Variants in MDFIC2 observed in about 807,000 individuals in gnomAD.
The protein encoded by MDFIC2 is MyoD family inhibitor domain containing 2.
chr3:70,297,134 A>C (rs1702297190), intron 2 of MDFIC2, among the ~76,000 whole-genome samples: 1 of 152,092 alleles, frequency 6.6e-6, no homozygotes, highest in African/African-American at 2.4e-5. Context: ...TTGCTTACTT[A>C]AAAAAATATT....
At chr3:70,221,945 T>A (rs1269984962) in intron 2 of MDFIC2, among the ~76,000 whole-genome samples, 2 of 152,172 alleles carry the variant, frequency 1.3e-5, no homozygotes, top group East Asian at 3.9e-4. Context: ...TTGGGTAGAT[T>A]AGTCACCTCA....
rs571120115 is a variant in MDFIC2 at position 70,219,148 on chromosome 3, T to C, written c.89-12358A>G. The stretch of plus-strand genomic sequence containing the variant: ...GCATCACAGTCCTTGAAACAGCCTC[T>C]CCTAGCTTTCTTCTAAAACACCTTT... On this transcript the variant is annotated intron_variant, in intron 2 of 3. Transcript: ENST00000567252. Among the ~76,000 whole-genome samples, 9 of 152,324 alleles carry C rather than the reference T, an allele frequency of 5.9e-5. No homozygotes were observed. The South Asian group carries it at 1.9e-3, about 32-fold the overall frequency.
intron 3 of MDFIC2, chr3:70,204,637 A>G (rs1701273318): frequency 6.6e-6 from 1 of 151,744 alleles, no homozygotes; most frequent in Non-Finnish European, 1.5e-5. Context: ...TTGAATGAAG[A>G]GTAGTCAGCT....
intron 2 of MDFIC2, among the ~76,000 whole-genome samples, chr3:70,253,468 A>G (rs1489670444): frequency 2.6e-5 from 4 of 152,186 alleles, no homozygotes; most frequent in Non-Finnish European, 4.4e-5. Flanking sequence ...AAAATGTTTC[A>G]TCCAGCTGGG....
intron 2 of MDFIC2, among the ~76,000 whole-genome samples, chr3:70,286,002 G>A (rs1006561343): frequency 1.4e-4 from 21 of 151,578 alleles, no homozygotes; most frequent in Non-Finnish European, 3.1e-4. Context: ...CTCCCATTTT[G>A]TAGGTTGCCT....
At chr3:70,305,046 TA>T (rs1166349114) in intron 2 of MDFIC2, among the ~76,000 whole-genome samples, 1 of 152,188 alleles carries the variant, frequency 6.6e-6, no homozygotes, top group Non-Finnish European at 1.5e-5. Flanking sequence ...TCAGCTCAAA[TA>T]ACTTTCCCAC....
At chr3:70,287,525 TG>T (rs1356065520) in intron 2 of MDFIC2, among the ~76,000 whole-genome samples, 1 of 151,930 alleles carries the variant, frequency 6.6e-6, no homozygotes, top group Non-Finnish European at 1.5e-5. Flanking sequence ...TTCTCTTTTT[TG>T]GTTGTGTCTC....
At chr3:70,210,639 T>C (rs939280659) in intron 2 of MDFIC2, among the ~76,000 whole-genome samples, 1 of 152,148 alleles carries the variant, frequency 6.6e-6, no homozygotes, top group Non-Finnish European at 1.5e-5. Flanking sequence ...AGAAAATTAT[T>C]TTAGAGTTAA....
chr3:70,236,779 A>G (rs977769895), intron 2 of MDFIC2, among the ~76,000 whole-genome samples: 12 of 152,140 alleles, frequency 7.9e-5, no homozygotes, highest in Admixed American at 6.5e-4. Flanking sequence ...CTTTTTTTGT[A>G]GGAATGGGGT....
intron 2 of MDFIC2, among the ~76,000 whole-genome samples, chr3:70,287,904 A>T (rs200239988): frequency 2.6e-4 from 38 of 148,852 alleles, no homozygotes; most frequent in Non-Finnish European, 2.4e-4. Flanking sequence ...CAGTGGTGAC[A>T]TCCCCTTTAT....
At chr3:70,311,295 C>A (rs905775558) in intron 2 of MDFIC2, among the ~76,000 whole-genome samples, 2 of 152,076 alleles carry the variant, frequency 1.3e-5, no homozygotes, top group African/African-American at 4.8e-5. Context: ...TAAAACCGTG[C>A]CTTCTAGTAA....
intron 2 of MDFIC2, among the ~76,000 whole-genome samples, chr3:70,245,669 CTTTATA>C (rs1223513369): frequency 9.7e-5 from 7 of 72,216 alleles, no homozygotes; most frequent in South Asian, 4.8e-4. Flanking sequence ...TTGCAAACTG[CTTTATA>C]TATATATATA....
chr3:70,265,057 T>C (rs1299181195), intron 2 of MDFIC2, among the ~76,000 whole-genome samples: 1 of 152,134 alleles, frequency 6.6e-6, no homozygotes, highest in Non-Finnish European at 1.5e-5. Flanking sequence ...TTATTCACTA[T>C]CACAAGAACA....
intron 2 of MDFIC2, among the ~76,000 whole-genome samples, chr3:70,240,631 T>A (rs1470469577): frequency 6.6e-6 from 1 of 152,134 alleles, no homozygotes; most frequent in Non-Finnish European, 1.5e-5. Context: ...TCCTTCAGCG[T>A]CAATTATAAG....
At chr3:70,266,229 G>T (rs1255783982) in intron 2 of MDFIC2, among the ~76,000 whole-genome samples, 1 of 151,912 alleles carries the variant, frequency 6.6e-6, no homozygotes, top group Non-Finnish European at 1.5e-5. Context: ...TTTCAGCTTT[G>T]TATTTTTGTG....
chr3:70,297,796 A>G (rs1702304067), intron 2 of MDFIC2, among the ~76,000 whole-genome samples: 1 of 152,096 alleles, frequency 6.6e-6, no homozygotes, highest in Non-Finnish European at 1.5e-5. Context: ...AGCTTAAACT[A>G]AAAAGTGTTA....
rs1701189204 is a variant in MDFIC2 at position 70,197,096 on chromosome 3, T to C, written c.400A>G (p.Thr134Ala). ...CGGCGAGAGGGGCAGCACATTTTGG[T>C]ACACACCGTTTCGCAGGTGCCGGGG... ...MLPGTCETVC[T>A]KMCCPSRRYH... The change falls in exon 4 of 4, where the codon ACC (threonine) becomes GCC (alanine). Residue 134 changes from threonine to alanine, a missense_variant. Coordinates refer to ENST00000567252, the MANE Select transcript of MDFIC2 (RefSeq NM_001364677.1). 2.5e-6 allele frequency: 1 copy of C among 398,410 alleles called. No individual in the cohort carries two copies. Among genetic ancestry groups the C allele is most frequent in the South Asian group, 1.3e-4 (1 of 7,850 alleles). 24.7% of individuals were successfully genotyped at this position (398,410 alleles called of 1,614,324 possible).
intron 3 of MDFIC2, among the ~76,000 whole-genome samples, chr3:70,204,003 G>A (rs1183366533): frequency 1.3e-5 from 2 of 152,134 alleles, no homozygotes; most frequent in East Asian, 3.9e-4. Context: ...CACAGTGTGT[G>A]ATGTGCAGTA....
At chr3:70,303,801 C>T (rs1335161552) in intron 2 of MDFIC2, among the ~76,000 whole-genome samples, 3 of 152,248 alleles carry the variant, frequency 2.0e-5, no homozygotes, top group Admixed American at 1.3e-4. Flanking sequence ...CTTGCCTCAG[C>T]TTCCTGAGTA....
Sources: gnomAD v4.1 joint callset for allele counts (sites outside exome capture counted in the v4.1 genomes callset) on GRCh38, gnomAD v4.1.1 for gene constraint, MANE v1.5 for transcripts, NCBI Gene and HGNC (gene_info 2026-07-23, HGNC 2026-07-21) for gene names.